ZDBF2: variants seen among roughly 807,000 people sequenced by gnomAD.
The protein encoded by ZDBF2 is zinc finger DBF-type containing 2.
Under a neutral mutation model 9.4 loss-of-function variants are expected in ZDBF2, and 6 were observed. The ratio of observed to expected loss-of-function variants is 0.64; its 90% CI spans 0.35 to 1.27. ZDBF2 has a LOEUF of 1.27. Ranked by LOEUF, ZDBF2 falls within the 50% of genes most tolerant of loss-of-function variation. ZDBF2 has a pLI of 0.03. For missense variants in ZDBF2, 2,697 were observed against 2,766.8 expected (o/e 0.97, Z 0.57); for synonymous variants, 905 against 946.3 (o/e 0.96, Z 0.80).
Position 206,308,908 on chromosome 2 carries a change from T to A in ZDBF2, c.4380T>A (p.Val1460=). The change falls in exon 5 of 5, where the codon GTT becomes GTA. Residue 1460 remains valine, a synonymous_variant. Transcript: ENST00000374423. ...CGSEIKCHSC[V]HLQSEVDQPQ... ...CTGAAATAAAATGTCATTCTTGTGT[T>A]CATCTTCAGTCAGAAGTTGACCAAC... 6.2e-7 allele frequency: 1 copy of A among 1,612,896 alleles called. No homozygotes were observed. The highest frequency in any genetic ancestry group is 8.5e-7 in the Non-Finnish European group (1 of 1,179,366).
chr2:206,312,125 C>T lies in ZDBF2; in HGVS notation c.*532C>T, dbSNP rs1229016813. 1 of 152,034 alleles carries T rather than the reference C, an allele frequency of 6.6e-6. No individual in the cohort carries two copies. Among genetic ancestry groups the T allele is most frequent in the Non-Finnish European group, 1.5e-5 (1 of 68,002 alleles). The allele number at this position is 152,034 out of a possible 1,614,324, so 9.4% of individuals were successfully genotyped here. A position where few individuals can be genotyped will look rare whatever the true frequency, so the allele number is the denominator to read the frequency against. ...AACTGGTGATTTTTTTTATGCATAG[C>T]ACAAACTCCTCCTGCTTCATTTAAA... On this transcript the variant is annotated 3_prime_UTR_variant, in exon 5 of 5. Transcript: ENST00000374423.
At position 206,308,251 on chromosome 2, in the gene ZDBF2, T is replaced by G; in HGVS notation, c.3723T>G (p.Phe1241Leu). 6.2e-7 allele frequency: 1 copy of G among 1,613,906 alleles called. No individual in the cohort carries two copies. The highest frequency in any genetic ancestry group is 8.5e-7 in the Non-Finnish European group (1 of 1,179,838). The stretch of plus-strand genomic sequence containing the variant: ...ATAGGAGAAATGAAGCTAAGGGTTT[T>G]GAAATTATGTATGATTCTGATGTTC... ...TEDRRNEAKG[F>L]EIMYDSDVLQ... Residue 1241 changes from phenylalanine to leucine, a missense_variant, in exon 5 of 5, where the codon TTT becomes TTG. Transcript: ENST00000374423.
At chr2:206,279,783 C>T (rs1250772472) in intron 2 of ZDBF2, among the ~76,000 whole-genome samples, 191 bp downstream of exon 2, 3 of 152,008 alleles carry the variant, frequency 2.0e-5, no homozygotes, top group Non-Finnish European at 4.4e-5. Flanking sequence ...GCAGAATCAC[C>T]TTGAGCATTT....
intron 4 of ZDBF2, among the ~76,000 whole-genome samples, chr2:206,298,671 C>T (rs1341626143): frequency 6.6e-6 from 1 of 151,740 alleles, no homozygotes; most frequent in African/African-American, 2.4e-5. Context: ...TTACAGGCAC[C>T]CGTCACCATG....
intron 1 of ZDBF2, among the ~76,000 whole-genome samples, chr2:206,277,320 A>G (rs948963423): frequency 6.6e-6 from 1 of 151,878 alleles, no homozygotes; most frequent in South Asian, 2.1e-4. Context: ...TTAAAAAAAA[A>G]AAAACCAAAA....
chr2:206,298,130 T>C lies in ZDBF2; in HGVS notation c.188+757T>C, dbSNP rs575260808. Among the ~76,000 whole-genome samples, 29 of 152,342 alleles carry C rather than the reference T, an allele frequency of 1.9e-4. 1 individual carries two copies. The highest frequency in any genetic ancestry group is 3.4e-4 in the Non-Finnish European group (23 of 68,014). On this transcript the variant is annotated intron_variant, in intron 4 of 4. Coordinates refer to ENST00000374423, the MANE Select transcript of ZDBF2 (RefSeq NM_020923.3). ...GCCAAAAGAATTGGGTTTTTAAATC[T>C]GTCTGTATTTTGATAGCTTTTCTTG...
intron 4 of ZDBF2, among the ~76,000 whole-genome samples, chr2:206,303,554 A>G (rs552640924): frequency 6.6e-6 from 1 of 152,322 alleles, no homozygotes; most frequent in Non-Finnish European, 1.5e-5. Flanking sequence ...GGTAGAAGAG[A>G]TTCATAGACT....
chr2:206,283,700 A>G (rs1691450888), intron 3 of ZDBF2, among the ~76,000 whole-genome samples: 1 of 151,758 alleles, frequency 6.6e-6, no homozygotes, highest in South Asian at 2.1e-4. Context: ...GTCTTGCATT[A>G]TTGCCCAGGC....
At chr2:206,300,784 C>T (rs908614829) in intron 4 of ZDBF2, among the ~76,000 whole-genome samples, 5 of 152,228 alleles carry the variant, frequency 3.3e-5, no homozygotes, top group Admixed American at 3.3e-4. Context: ...GAGATCTTCA[C>T]TTGTTCTTTC....
rs1690895803 is a variant in ZDBF2 at position 206,274,950 on chromosome 2, A to G, written c.-103+4A>G. ...AATCCGGGCAGCCTCCGCGGAGGTG[A>G]GTGCCGCGGCGGGGGCGGGGCGCGG... On this transcript the variant is annotated splice_donor_region_variant and intron_variant, in intron 1 of 4. Coordinates refer to ENST00000374423, the MANE Select transcript of ZDBF2 (RefSeq NM_020923.3). 6.7e-6 allele frequency: 1 copy of G among 150,270 alleles called. No homozygotes were observed. Among genetic ancestry groups the G allele is most frequent in the Non-Finnish European group, 1.5e-5 (1 of 67,498 alleles). The allele number at this position is 150,270 out of a possible 1,614,324, so 9.3% of individuals were successfully genotyped here. A position where few individuals can be genotyped will look rare whatever the true frequency, so the allele number is the denominator to read the frequency against.
chr2:206,291,861 T>C (rs1320462776), intron 3 of ZDBF2, among the ~76,000 whole-genome samples: 2 of 152,156 alleles, frequency 1.3e-5, no homozygotes, highest in Admixed American at 6.5e-5. Flanking sequence ...GGGGCCCATA[T>C]CTAGTGAAGT....
At chr2:206,275,202 G>T (rs561950147) in intron 1 of ZDBF2, among the ~76,000 whole-genome samples, 3 of 152,268 alleles carry the variant, frequency 2.0e-5, no homozygotes, top group South Asian at 2.1e-4. Flanking sequence ...GCTGCATTGC[G>T]CTTCTGTCCG....
rs1692923102 is a variant in ZDBF2, at chr2:206,308,151, A to C, written c.3623A>C (p.Gln1208Pro). ...AGTTTTGATTCTGATGACCCTCTTC[A>C]GTCAGTGGCTGACCGGCTGAGAGAA... ...EVSFDSDDPL[Q>P]SVADRLRETV... Residue 1208 changes from glutamine to proline, a missense_variant, in exon 5 of 5, where the codon CAG becomes CCG. Coordinates refer to ENST00000374423, the MANE Select transcript of ZDBF2 (RefSeq NM_020923.3). The C allele has an allele frequency of 5.0e-6, 8 of 1,613,942 alleles. No individual in the cohort carries two copies. The highest frequency in any genetic ancestry group is 1.3e-5 in the African/African-American group (1 of 75,058).
At chr2:206,285,005 A>G (rs1691526639) in intron 3 of ZDBF2, among the ~76,000 whole-genome samples, 1 of 152,216 alleles carries the variant, frequency 6.6e-6, no homozygotes, top group African/African-American at 2.4e-5. Context: ...TTGGGATTAC[A>G]GGCGTGAGCC....
intron 3 of ZDBF2, among the ~76,000 whole-genome samples, chr2:206,295,468 A>G (rs767897233): frequency 2.7e-5 from 4 of 150,776 alleles, no homozygotes; most frequent in Non-Finnish European, 4.4e-5. Context: ...GGTTCAAGCA[A>G]TTCTCCTGCC....
intron 3 of ZDBF2, among the ~76,000 whole-genome samples, chr2:206,285,707 C>G (rs779116629): frequency 1.3e-5 from 2 of 152,092 alleles, no homozygotes; most frequent in African/African-American, 4.8e-5. Flanking sequence ...AGGTCTTTTC[C>G]GTAAAATCTT....
At chr2:206,296,728 G>A (rs960023717) in intron 3 of ZDBF2, among the ~76,000 whole-genome samples, 5 of 151,852 alleles carry the variant, frequency 3.3e-5, no homozygotes, top group Non-Finnish European at 5.9e-5. Context: ...TAAATCCAGC[G>A]CCATAGACTG....
chr2:206,296,568 C>T (rs561235304), intron 3 of ZDBF2, among the ~76,000 whole-genome samples: 6 of 152,258 alleles, frequency 3.9e-5, no homozygotes, highest in Admixed American at 3.3e-4. Flanking sequence ...TACTATCCAC[C>T]GTTTCAGGCA....
Position 206,308,547 on chromosome 2 carries a change from T to C in ZDBF2, c.4019T>C (p.Val1340Ala). The C allele has an allele frequency of 1.2e-6, 2 of 1,613,604 alleles. No individual in the cohort carries two copies. Reference protein sequence around the residue: ...IYVSNIPLQSVIKQPHILEEE... With the variant: ...IYVSNIPLQSAIKQPHILEEE... The stretch of plus-strand genomic sequence containing the variant: ...GTTTCAAATATCCCTCTTCAGTCAG[T>C]GATAAAACAACCACACATTTTGGAA... Residue 1340 changes from valine (V) to alanine (A), a missense_variant, in exon 5 of 5, where the codon GTG becomes GCG. By Grantham distance (64) the Val-to-Ala change is moderately conservative. Around this residue, in one of 3 missense-constraint regions of ZDBF2, gnomAD observed 1,783 missense variants for 1,776.5 expected, o/e 1.00. Transcript: ENST00000374423.
Sources: gnomAD v4.1 joint callset for allele counts (sites outside exome capture counted in the v4.1 genomes callset) on GRCh38, gnomAD v4.1.1 for gene constraint, gnomAD v4.1.1 regional missense constraint, MANE v1.5 for transcripts, NCBI Gene and HGNC (gene_info 2026-07-23, HGNC 2026-07-21) for gene names.